Variants in PRDM16 observed in about 807,000 individuals in gnomAD.
PRDM16 encodes the protein histone-lysine N-methyltransferase PRDM16.
In PRDM16, 23 loss-of-function variants were observed where a neutral mutation model predicts 110.6. That is an observed-to-expected ratio of 0.21 (90% CI 0.15 to 0.29). The LOEUF is 0.29. PRDM16 is among the 10% of genes least tolerant of loss of function. The pLI is 1.00. For missense variants in PRDM16, 1,615 were observed against 1,794.3 expected (o/e 0.90, Z 1.81); for synonymous variants, 799 against 781.8 (o/e 1.02, Z -0.37).
chr1:3,387,264 C>G (rs545199101), intron 4 of PRDM16, among the ~76,000 whole-genome samples: 1 of 152,306 alleles, frequency 6.6e-6, no homozygotes, highest in East Asian at 1.9e-4. Context: ...ACCCAAACCA[C>G]AGATAATGTC....
At chr1:3,234,623 C>T (rs1452799924) in intron 2 of PRDM16, among the ~76,000 whole-genome samples, 7 of 152,196 alleles carry the variant, frequency 4.6e-5, no homozygotes, top group South Asian at 4.1e-4. Context: ...GCTGGATGGC[C>T]GGGCCCCACC....
chr1:3,182,275 G>A (rs1438270021), intron 1 of PRDM16, among the ~76,000 whole-genome samples: 3 of 152,238 alleles, frequency 2.0e-5, no homozygotes, highest in Non-Finnish European at 4.4e-5. Flanking sequence ...AGAGCCGCTC[G>A]GCGCTCGGGC....
chr1:3,415,159 T>G (rs1643758066), intron 10 of PRDM16, among the ~76,000 whole-genome samples: 1 of 152,090 alleles, frequency 6.6e-6, no homozygotes, highest in Non-Finnish European at 1.5e-5. Flanking sequence ...AGCCCCCCAG[T>G]CCAGACAGGT....
At position 3,404,735 on chromosome 1, in the gene PRDM16, G is replaced by A. The variant is rs374365034; in HGVS notation, c.885-4G>A. On this transcript the variant is annotated splice_region_variant and splice_polypyrimidine_tract_variant and intron_variant, in intron 6 of 16. Coordinates refer to ENST00000270722, the MANE Select transcript of PRDM16 (RefSeq NM_022114.4). ...CCCCGCAGTGAGCCTCGTCCTCTGC[G>A]CAGCCTGGAGCAGCACATGGTCATC... is the stretch of plus-strand genomic sequence containing the variant. 213 of 1,613,052 alleles carry A rather than the reference G, an allele frequency of 1.3e-4. 2 individuals are homozygous for A. In the Middle Eastern group the frequency reaches 2.3e-3, roughly 17 times the overall value.
At chr1:3,275,312 C>T (rs754207831) in intron 3 of PRDM16, among the ~76,000 whole-genome samples, 10 of 152,350 alleles carry the variant, frequency 6.6e-5, no homozygotes, top group Non-Finnish European at 1.3e-4. Flanking sequence ...AAGGATCAAC[C>T]GGATATCGGG....
At chr1:3,267,170 G>A (rs994060612) in intron 3 of PRDM16, among the ~76,000 whole-genome samples, 2 of 152,114 alleles carry the variant, frequency 1.3e-5, no homozygotes, top group African/African-American at 4.8e-5. Flanking sequence ...GAGCAGCCAC[G>A]CCCATCCCCT....
At position 3,229,888 on chromosome 1, in the gene PRDM16, C is replaced by A. The variant is rs541628198; in HGVS notation, c.388-14199C>A. On this transcript the variant is annotated intron_variant, in intron 2 of 16. Coordinates refer to ENST00000270722, the MANE Select transcript of PRDM16 (RefSeq NM_022114.4). ...TTTGCTCTCTTCCTTAGAGCAGGGTCTCTGCCCTTGTTTCAGTGACTTGTT... is the reference window on the plus strand; with the variant it reads ...TTTGCTCTCTTCCTTAGAGCAGGGTATCTGCCCTTGTTTCAGTGACTTGTT... Among the ~76,000 whole-genome samples the A allele has an allele frequency of 2.0e-5, 3 of 152,316 alleles. No homozygotes were observed. In the East Asian group the frequency reaches 5.8e-4, roughly 29 times the overall value.
chr1:3,088,355 G>C (rs994209291), intron 1 of PRDM16, among the ~76,000 whole-genome samples: 4 of 152,050 alleles, frequency 2.6e-5, no homozygotes, highest in Admixed American at 6.6e-5. Context: ...CAGGGAGCTG[G>C]GGCTCAAGTC....
chr1:3,094,376 C>A (rs1642347754), intron 1 of PRDM16, among the ~76,000 whole-genome samples: 1 of 152,228 alleles, frequency 6.6e-6, no homozygotes, highest in Non-Finnish European at 1.5e-5. Context: ...AGCCACATCA[C>A]CCTGCAGAGA....
At chr1:3,135,443 C>T (rs900649333) in intron 1 of PRDM16, among the ~76,000 whole-genome samples, 4 of 152,214 alleles carry the variant, frequency 2.6e-5, no homozygotes, top group South Asian at 4.1e-4. Flanking sequence ...GAGCTCCGGG[C>T]GTCCTGGGAA....
chr1:3,253,340 A>C (rs1639980542), intron 3 of PRDM16, among the ~76,000 whole-genome samples: 2 of 132,814 alleles, frequency 1.5e-5, no homozygotes, highest in Non-Finnish European at 3.3e-5. Flanking sequence ...TATATCTCCT[A>C]ATGCTATCCC....
intron 2 of PRDM16, among the ~76,000 whole-genome samples, chr1:3,196,322 G>A (rs375619881): frequency 3.9e-5 from 6 of 152,366 alleles, no homozygotes; most frequent in East Asian, 1.9e-4. Flanking sequence ...TGACCCAGCC[G>A]GGCCCTGGAA....
intron 3 of PRDM16, chr1:3,308,283 C>T (rs926267149): frequency 1.3e-5 from 2 of 152,244 alleles, no homozygotes; most frequent in African/African-American, 4.8e-5. Context: ...AGCGTCAGGC[C>T]GTGCGGGGGC....
intron 2 of PRDM16, among the ~76,000 whole-genome samples, chr1:3,237,001 C>A (rs1639554162): frequency 1.3e-5 from 2 of 152,158 alleles, no homozygotes; most frequent in South Asian, 4.1e-4. Flanking sequence ...CTGGGGGGCA[C>A]AGGCCGGATG....
chr1:3,295,773 G>A (rs1227413479), intron 3 of PRDM16, among the ~76,000 whole-genome samples: 1 of 152,150 alleles, frequency 6.6e-6, no homozygotes. Context: ...AATTCTGTAG[G>A]CTGAAGACAC....
chr1:3,287,367 C>T lies in PRDM16; in HGVS notation c.438+43230C>T, dbSNP rs1203619561. 8.5e-4 allele frequency among the ~76,000 whole-genome samples: 72 copies of T among 84,246 alleles called. 5 individuals are homozygous for T. Among genetic ancestry groups the T allele is most frequent in the Non-Finnish European group, 1.1e-3 (43 of 38,820 alleles). The allele number at this position is 84,246 out of a possible 152,430, so 55.3% of individuals were successfully genotyped here. A position where few individuals can be genotyped will look rare whatever the true frequency, so the allele number is the denominator to read the frequency against. On this transcript the variant is annotated intron_variant, in intron 3 of 16. Coordinates refer to ENST00000270722, the MANE Select transcript of PRDM16 (RefSeq NM_022114.4). ...GCATTTACCGGGGCTGGAGCCGCCC[C>T]GCCACGCGGGCATCCAGGATTGCAT...
chr1:3,413,749 C>G (rs1172902118), intron 9 of PRDM16, among the ~76,000 whole-genome samples: 1 of 152,196 alleles, frequency 6.6e-6, no homozygotes, highest in African/African-American at 2.4e-5. Context: ...TATGGGAACC[C>G]AGGCAGACAG....
At chr1:3,406,745 A>G (rs1643568854) in intron 8 of PRDM16, among the ~76,000 whole-genome samples, 1 of 152,132 alleles carries the variant, frequency 6.6e-6, no homozygotes, top group South Asian at 2.1e-4. Flanking sequence ...TCTGTAAAGA[A>G]ATAAAAATAA....
intron 1 of PRDM16, among the ~76,000 whole-genome samples, chr1:3,100,815 C>A (rs907203404): frequency 6.6e-6 from 1 of 152,138 alleles, no homozygotes; most frequent in Non-Finnish European, 1.5e-5. Context: ...GCTGTGGGGC[C>A]ATGAGAGTGG....
Sources: gnomAD v4.1 joint callset for allele counts (sites outside exome capture counted in the v4.1 genomes callset) on GRCh38, gnomAD v4.1.1 for gene constraint, MANE v1.5 for transcripts, NCBI Gene and HGNC (gene_info 2026-07-23, HGNC 2026-07-21) for gene names.